SPATA6L: variants seen among roughly 807,000 people sequenced by gnomAD.
SPATA6L encodes the protein spermatogenesis associated 6-like protein.
Under a neutral mutation model 49.2 loss-of-function variants are expected in SPATA6L, and 68 were observed. The ratio of observed to expected loss-of-function variants is 1.38; its 90% CI spans 1.14 to 1.69. The LOEUF (loss-of-function observed/expected upper bound fraction) is 1.69, where lower values mean the gene tolerates loss of function less well. SPATA6L is among the 40% of genes most tolerant of loss of function. The pLI is 0.00. For synonymous variants in SPATA6L, 198 were observed against 165.7 expected (o/e 1.19, Z -1.50); for missense variants, 668 against 464.3 (o/e 1.44, Z -4.03).
At chr9:4,596,176 C>T (rs757084085), downstream of SPATA6L, among the ~76,000 whole-genome samples, 24 of 152,264 alleles carry the variant, frequency 1.6e-4, no homozygotes, top group East Asian at 3.9e-4. Context: ...CAAGAGGGCA[C>T]GGGTTGAATT....
chr9:4,632,866 A>G (rs1268755932), intron 4 of SPATA6L, among the ~76,000 whole-genome samples: 1 of 152,214 alleles, frequency 6.6e-6, no homozygotes, highest in African/African-American at 2.4e-5. Context: ...ATCAGGACAT[A>G]ACTAATATTC....
chr9:4,639,566 G>C (rs751362013), intron 3 of SPATA6L, among the ~76,000 whole-genome samples: 1 of 152,152 alleles, frequency 6.6e-6, no homozygotes, highest in African/African-American at 2.4e-5. Context: ...GTGTGAAAAC[G>C]TCAGCACACT....
At chr9:4,624,388 A>C (rs942156083) in intron 6 of SPATA6L, among the ~76,000 whole-genome samples, 36 of 152,208 alleles carry the variant, frequency 2.4e-4, no homozygotes, top group Middle Eastern at 3.2e-3. Flanking sequence ...CCAATGGATA[A>C]ATTTTTTCTT....
chr9:4,663,315 T>C, intron 1 of SPATA6L: 2 of 1,560,876 alleles, frequency 1.3e-6, no homozygotes, highest in East Asian at 2.2e-5. Context: ...CCACATTCGA[T>C]GATGTCAACC....
At chr9:4,606,703 A>G (rs199512366) in intron 9 of SPATA6L, among the ~76,000 whole-genome samples, 1,924 of 136,716 alleles carry the variant, frequency 0.014, 25 homozygotes, top group Admixed American at 0.035. Context: ...AAAAAACAGA[A>G]CAGAAAAACT....
chr9:4,614,105 G>C (rs952173306), intron 9 of SPATA6L, among the ~76,000 whole-genome samples: 1 of 152,150 alleles, frequency 6.6e-6, no homozygotes, highest in Non-Finnish European at 1.5e-5. Context: ...TGGGAGCAGC[G>C]CTGTGCCTTT....
intron 4 of SPATA6L, among the ~76,000 whole-genome samples, chr9:4,630,270 C>T (rs974667017): frequency 6.6e-6 from 1 of 151,972 alleles, no homozygotes; most frequent in African/African-American, 2.4e-5. Flanking sequence ...GACCTGTAGA[C>T]CAAAAAAGCA....
At chr9:4,617,884 T>C (rs1828369277) in intron 9 of SPATA6L, 39 bp downstream of exon 9, 2 of 1,527,504 alleles carry the variant, frequency 1.3e-6, no homozygotes, top group African/African-American at 1.4e-5. Flanking sequence ...CAGGCCACAA[T>C]GCACTCGTCA....
At chr9:4,609,534 A>C (rs1338472126) in intron 9 of SPATA6L, among the ~76,000 whole-genome samples, 1 of 152,102 alleles carries the variant, frequency 6.6e-6, no homozygotes, top group Non-Finnish European at 1.5e-5. Context: ...AACAGAACCA[A>C]AGACAAAAAC....
chr9:4,646,346 T>C (rs1031804713), intron 3 of SPATA6L: 2 of 443,148 alleles, frequency 4.5e-6, no homozygotes, highest in Admixed American at 4.3e-5. Context: ...AAAAAAGGCA[T>C]GTGTTATATA....
Position 4,629,131 on chromosome 9 carries a change from G to A in SPATA6L, c.389C>T (p.Ala130Val). 1 of 1,611,230 alleles carries A rather than the reference G, an allele frequency of 6.2e-7. No individual in the cohort carries two copies. The highest frequency in any genetic ancestry group is 8.5e-7 in the Non-Finnish European group (1 of 1,178,974). ...ATGCAGAAACACACATTCTCTGATG[G>A]CTGTCCTTGTAGAAAACTCTATTTT... ...APKIEFSTRT[A>V]IRECVFLHRN... is the part of the protein sequence containing the mutation. The change falls in exon 5 of 12, where the codon GCC becomes GTC. Residue 130 changes from alanine (A) to valine (V), a missense_variant. Coordinates refer to ENST00000682582, the MANE Select transcript of SPATA6L (RefSeq NM_001353486.2).
chr9:4,629,769 G>GTGTGTGTGTATATATATATA lies in SPATA6L; in HGVS notation c.352-602_352-601insTATATATATATACACACACA, dbSNP rs1311805859. ...GTGTTTTATATATGTGTGTGTGTGT[G>GTGTGTGTGTATATATATATA]TATATATATATATATATATATATAT... On this transcript the variant is annotated intron_variant, in intron 4 of 11. Transcript: ENST00000682582. Among the ~76,000 whole-genome samples the GTGTGTGTGTATATATATATA allele has an allele frequency of 8.2e-3, 831 of 101,676 alleles. 8 individuals carry two copies. Among genetic ancestry groups the GTGTGTGTGTATATATATATA allele is most frequent in the East Asian group, 0.028 (86 of 3,126 alleles). The allele number at this position is 101,676 out of a possible 152,430, so 66.7% of individuals were successfully genotyped here.
At chr9:4,633,399 G>C (rs10974681) in intron 4 of SPATA6L, 22,693 of 154,196 alleles carry the variant, frequency 0.15, 2,756 homozygotes, top group East Asian at 0.35. Context: ...TATTCCCGGA[G>C]TGACTGACAC....
At chr9:4,629,764 T>G (rs1455965024) in intron 4 of SPATA6L, among the ~76,000 whole-genome samples, 4 of 127,076 alleles carry the variant, frequency 3.1e-5, no homozygotes. Context: ...TATGTGTGTG[T>G]GTGTGTATAT....
chr9:4,651,347 A>G (rs1330926823), intron 3 of SPATA6L, among the ~76,000 whole-genome samples: 1 of 152,244 alleles, frequency 6.6e-6, no homozygotes, highest in Non-Finnish European at 1.5e-5. Flanking sequence ...TATAATGTGT[A>G]GAGAGATTAA....
rs927918040 is a variant in SPATA6L, at chr9:4,599,985, T to A, written c.*826A>T. Among the ~76,000 whole-genome samples, 3 of 152,212 alleles carry A rather than the reference T, an allele frequency of 2.0e-5. No individual in the cohort carries two copies. On this transcript the variant is annotated 3_prime_UTR_variant, in exon 12 of 12. Coordinates refer to ENST00000682582, the MANE Select transcript of SPATA6L (RefSeq NM_001353486.2). ...CTCCCTTTATCCCAGCCCCTTCCTATTCCTGCTCCCTCACACTGTGTAAGC... is the reference window on the plus strand; with the variant it reads ...CTCCCTTTATCCCAGCCCCTTCCTAATCCTGCTCCCTCACACTGTGTAAGC...
At chr9:4,644,805 T>C (rs1424157123) in intron 3 of SPATA6L, among the ~76,000 whole-genome samples, 1 of 151,992 alleles carries the variant, frequency 6.6e-6, no homozygotes, top group Non-Finnish European at 1.5e-5. Context: ...GGGTGGCAGG[T>C]CCTAACCTCT....
chr9:4,609,868 A>G (rs1826246189), intron 9 of SPATA6L, among the ~76,000 whole-genome samples: 1 of 152,096 alleles, frequency 6.6e-6, no homozygotes, highest in African/African-American at 2.4e-5. Flanking sequence ...CCCTGTTTGC[A>G]GACGACATGA....
At chr9:4,622,587 T>G (rs1829578211) in intron 6 of SPATA6L, 77 bp from the exon 7 acceptor site, 2 of 986,984 alleles carry the variant, frequency 2.0e-6, no homozygotes, top group African/African-American at 1.6e-5. Context: ...GGAATGCCTG[T>G]CTCCCCCTCA....
Sources: gnomAD v4.1 joint callset for allele counts (sites outside exome capture counted in the v4.1 genomes callset) on GRCh38, gnomAD v4.1.1 for gene constraint, MANE v1.5 for transcripts, NCBI Gene and HGNC (gene_info 2026-07-23, HGNC 2026-07-21) for gene names.